The following HERC2 variants were observed in gnomAD, a reference collection of about 807,000 sequenced individuals.
HERC2 encodes E3 ubiquitin-protein ligase HERC2.
HERC2 carries 102 observed loss-of-function variants against 537.7 expected under a neutral mutation model. The observed-to-expected ratio is 0.19, with a 90% CI of 0.16 to 0.22. The LOEUF (loss-of-function observed/expected upper bound fraction) is 0.22. Ranked by LOEUF, HERC2 falls within the 10% of genes least tolerant of loss-of-function variation. The probability of loss-of-function intolerance (pLI) is 1.00; values close to 1 mark genes in which losing one functional copy is unlikely to be tolerated. For missense variants in HERC2, 4,236 were observed against 6,198.2 expected, an observed-to-expected ratio of 0.68 and a Z score of 10.63; for synonymous variants, 2,224 against 2,466.2, an observed-to-expected ratio of 0.90 and a Z score of 2.91.
At chr15:28,211,982 A>C (rs1006809086) in intron 43 of HERC2, among the ~76,000 whole-genome samples, 2 of 152,326 alleles carry the variant, frequency 1.3e-5, no homozygotes, top group South Asian at 2.1e-4. Flanking sequence ...GCATTCTACA[A>C]CCGAAGGAAG....
At chr15:28,298,921 G>T (rs1008793533) in intron 3 of HERC2, among the ~76,000 whole-genome samples, 7 of 151,936 alleles carry the variant, frequency 4.6e-5, no homozygotes, top group African/African-American at 1.7e-4. Flanking sequence ...TCTCAAGCAG[G>T]GGGACCAACG....
Position 28,299,503 on chromosome 15 carries a change from C to A in HERC2, c.86G>T (p.Arg29Ile). 4.8e-6 allele frequency: 7 copies of A among 1,451,568 alleles called. 1 individual carries two copies. In the East Asian group the frequency reaches 1.6e-4, roughly 33 times the overall value. 89.9% of individuals were successfully genotyped at this position (1,451,568 alleles called of 1,614,324 possible). A position where few individuals can be genotyped will look rare whatever the true frequency, so the allele number is the denominator to read the frequency against. The change falls in exon 3 of 93, where the codon AGA (arginine) becomes ATA (isoleucine). Residue 29 changes from arginine to isoleucine, a missense_variant. Physicochemically the swap from Arg to Ile is moderately conservative, Grantham distance 97 (BLOSUM62 -3). This residue lies in a region of HERC2 where 13 missense variants were observed against 43.1 expected (regional missense o/e 0.30). Coordinates refer to ENST00000261609, the MANE Select transcript of HERC2 (RefSeq NM_004667.6). ...ATTCCACAGACCACAGAGCCCATCT[C>A]TTGTGAATGCAAGCTGGCAATGATA... ...LKTDIQLAFT[R>I]DGLCGLWNEM...
rs558731046 is a variant in HERC2, at chr15:28,168,691, T to C, written c.10230-101A>G. The stretch of plus-strand genomic sequence containing the variant: ...TAGCACGCACTGAGGCGTTTCCTCA[T>C]TTTTACTGAATACATGTAGAAGAGT... On this transcript the variant is annotated intron_variant, in intron 66 of 92. Coordinates refer to ENST00000261609, the MANE Select transcript of HERC2 (RefSeq NM_004667.6). 3.6e-5 allele frequency: 37 copies of C among 1,015,998 alleles called. No homozygotes were observed. The East Asian group carries it at 9.9e-4, about 27-fold the overall frequency. 62.9% of individuals were successfully genotyped at this position (1,015,998 alleles called of 1,614,324 possible).
intron 20 of HERC2, among the ~76,000 whole-genome samples, chr15:28,251,692 C>G (rs1325897490): frequency 6.6e-6 from 1 of 151,668 alleles, no homozygotes; most frequent in African/African-American, 2.4e-5. Context: ...CCCAGCTGCT[C>G]GGGAGGCTGA....
chr15:28,260,348 G>A (rs147402446), intron 16 of HERC2, among the ~76,000 whole-genome samples: 1 of 152,258 alleles, frequency 6.6e-6, no homozygotes, highest in African/African-American at 2.4e-5. Flanking sequence ...CTAAAACGGG[G>A]AATTAAAGAC....
Position 28,144,070 on chromosome 15 carries a change from C to T in HERC2, c.11299+7G>A. The T allele has an allele frequency of 6.2e-7, 1 of 1,614,078 alleles. No homozygotes were observed. The highest frequency in any genetic ancestry group is 1.1e-5 in the South Asian group (1 of 91,076). Reference sequence around the variant, plus strand: ...AAGACAGATGTAACTGTAATGGTGGCATTTACCTAGGGCACTCAGCTGTGC... The same window carrying T: ...AAGACAGATGTAACTGTAATGGTGGTATTTACCTAGGGCACTCAGCTGTGC... On this transcript the variant is annotated splice_region_variant and intron_variant, in intron 73 of 92. Coordinates refer to ENST00000261609, the MANE Select transcript of HERC2 (RefSeq NM_004667.6).
At chr15:28,246,202 C>G in intron 22 of HERC2, 136 bp from the exon 23 acceptor site, 1 of 619,276 alleles carries the variant, frequency 1.6e-6, no homozygotes. Context: ...AAAGAATTAT[C>G]TTATATTTTA....
chr15:28,238,439 C>T (rs528144828), intron 24 of HERC2, among the ~76,000 whole-genome samples, 163 bp downstream of exon 24: 1 of 152,294 alleles, frequency 6.6e-6, no homozygotes, highest in South Asian at 2.1e-4. Context: ...GGAAATTCTT[C>T]AAATGTGCTG....
chr15:28,238,149 A>T lies in HERC2; in HGVS notation c.3817T>A (p.Ser1273Thr). 6.2e-7 allele frequency: 1 copy of T among 1,612,026 alleles called. No homozygotes were observed. The highest frequency in any genetic ancestry group is 2.2e-5 in the East Asian group (1 of 44,882). Reference sequence around the variant, plus strand: ...TGGCCAACACAAAACGCGTGCATGGATTCCCGGGTGTCTTCAAACTGCAAA... The same window carrying T: ...TGGCCAACACAAAACGCGTGCATGGTTTCCCGGGTGTCTTCAAACTGCAAA... The part of the protein sequence containing the change: ...AALQFEDTRE[S>T]MHAFCVGQYL... Residue 1273 changes from serine (S) to threonine (T), a missense_variant, in exon 25 of 93, where the codon TCC becomes ACC. Ser to Thr is a moderately conservative substitution (Grantham distance 58, BLOSUM62 1). Around this residue, in one of 27 missense-constraint regions of HERC2, gnomAD observed 754 missense variants for 1,085.0 expected, o/e 0.69. Coordinates refer to ENST00000261609, the MANE Select transcript of HERC2 (RefSeq NM_004667.6).
At chr15:28,245,142 G>A (rs1335849478) in intron 23 of HERC2, among the ~76,000 whole-genome samples, 5 of 152,108 alleles carry the variant, frequency 3.3e-5, no homozygotes, top group Non-Finnish European at 5.9e-5. Context: ...TGCCTCCTGA[G>A]CTGGACCACA....
rs1254805183 is a variant in HERC2 at position 28,215,633 on chromosome 15, C to T, written c.6198G>A (p.Ser2066=). 2 of 1,606,690 alleles carry T rather than the reference C, an allele frequency of 1.2e-6. No individual in the cohort carries two copies. Among genetic ancestry groups the T allele is most frequent in the South Asian group, 2.2e-5 (2 of 90,142 alleles). ...VEGHAPFTAT[S]LQRQILAVHL... is the part of the protein sequence containing the mutation. ...GGCAGCACATTACCTGCCTCTGCAG[C>T]GAGGTGGCAGTGAAGGGTGCGTGCC... Residue 2066 remains serine, a synonymous_variant, in exon 39 of 93, where the codon TCG becomes TCA. Transcript: ENST00000261609.
At chr15:28,161,015 C>T (rs1469292479) in intron 69 of HERC2, among the ~76,000 whole-genome samples, 1 of 152,152 alleles carries the variant, frequency 6.6e-6, no homozygotes, top group Non-Finnish European at 1.5e-5. Context: ...TGCCAAGTAA[C>T]TTGTCTCAAA....
intron 2 of HERC2, chr15:28,319,981 A>G (rs1337235619): frequency 6.6e-6 from 1 of 152,340 alleles, no homozygotes; most frequent in Non-Finnish European, 1.5e-5. Flanking sequence ...ATGACAAAAC[A>G]GATCATTATA....
intron 55 of HERC2, 164 bp downstream of exon 55, chr15:28,190,801 T>C: frequency 4.9e-6 from 3 of 616,240 alleles, no homozygotes; most frequent in South Asian, 4.1e-5. Context: ...GCAAATTCAG[T>C]TGTACAAAAT....
intron 19 of HERC2, among the ~76,000 whole-genome samples, chr15:28,254,799 C>T (rs2075202217): frequency 6.6e-6 from 1 of 152,254 alleles, no homozygotes; most frequent in Admixed American, 6.5e-5. Context: ...CTGCTACTGG[C>T]TCTCACAAAA....
In HERC2 at chr15:28,114,923, G is replaced by A. The variant is rs543397054; in HGVS notation, c.13723-121C>T. ...GGGTCAGCCTCAAGTGCATCTCGAG[G>A]CTGCAAGTGCATGGCACACACCAAG... On this transcript the variant is annotated intron_variant, in intron 89 of 92. Coordinates refer to ENST00000261609, the MANE Select transcript of HERC2 (RefSeq NM_004667.6). 870 of 735,786 alleles carry A rather than the reference G, an allele frequency of 1.2e-3. 12 individuals are homozygous for A. The highest frequency in any genetic ancestry group is 0.012 in the South Asian group (663 of 56,390). 45.6% of individuals were successfully genotyped at this position (735,786 alleles called of 1,614,324 possible). A position where few individuals can be genotyped will look rare whatever the true frequency, so the allele number is the denominator to read the frequency against.
At chr15:28,286,315 G>A (rs577527016) in intron 4 of HERC2, among the ~76,000 whole-genome samples, 2 of 152,104 alleles carry the variant, frequency 1.3e-5, no homozygotes, top group African/African-American at 4.8e-5. Flanking sequence ...TGTACCTAAA[G>A]ACAGTACAAA....
intron 52 of HERC2, among the ~76,000 whole-genome samples, chr15:28,193,483 T>C (rs1424112138): frequency 6.7e-6 from 1 of 150,352 alleles, no homozygotes; most frequent in Non-Finnish European, 1.5e-5. Context: ...AGGACAGAGG[T>C]TAGGCCTAAC....
chr15:28,269,517 A>G, intron 10 of HERC2, 81 bp from the exon 11 acceptor site: 1 of 1,108,828 alleles, frequency 9.0e-7, no homozygotes, highest in South Asian at 1.5e-5. Context: ...GCTACTACAA[A>G]ATAAAAACAA....
Sources: allele counts gnomAD v4.1 joint callset (sites outside exome capture counted in the v4.1 genomes callset), GRCh38; gene constraint gnomAD v4.1.1; regional missense constraint gnomAD v4.1.1; transcripts MANE v1.5; gene names NCBI Gene and HGNC (gene_info 2026-07-23, HGNC 2026-07-21).